The following EPHA6 variants were observed in gnomAD, a reference collection of about 807,000 sequenced individuals.
EPHA6 encodes the protein EPH receptor A6.
A neutral mutation model predicts 112.0 loss-of-function variants in EPHA6; 50 were observed. The ratio of observed to expected loss-of-function variants is 0.45; its 90% confidence interval spans 0.36 to 0.56. The LOEUF (loss-of-function observed/expected upper bound fraction) is 0.56, where lower values mean the gene tolerates loss of function less well. Among genes scored for constraint, EPHA6 ranks in the 20% least tolerant of loss-of-function variants. EPHA6 has a pLI of 0.00. For missense variants in EPHA6, 1,280 were observed against 1,417.4 expected, an observed-to-expected ratio of 0.90 and a Z score of 1.56; for synonymous variants, 529 against 490.7, an observed-to-expected ratio of 1.08 and a Z score of -1.03.
chr3:97,051,638 A>G (rs186008464), intron 3 of EPHA6, among the ~76,000 whole-genome samples: 31 of 152,244 alleles, frequency 2.0e-4, no homozygotes. Flanking sequence ...TTGATGTTAG[A>G]TATGTACCCC....
Position 97,413,087 on chromosome 3 carries a change from G to A in EPHA6, c.1731+7813G>A, listed in dbSNP as rs188856772. 4.3e-3 allele frequency among the ~76,000 whole-genome samples: 659 copies of A among 151,756 alleles called. 4 individuals carry two copies. The highest frequency in any genetic ancestry group is 5.8e-3 in the Non-Finnish European group (396 of 67,912). ...TTCCTCTAAATTTCTGTTGTAGTTT[G>A]GTGAAAATCAAAGAAACAAAACTCA... On this transcript the variant is annotated intron_variant, in intron 6 of 17. Transcript: ENST00000389672.
At chr3:97,473,637 C>T (rs1389624294) in intron 7 of EPHA6, among the ~76,000 whole-genome samples, 2 of 151,810 alleles carry the variant, frequency 1.3e-5, no homozygotes, top group Non-Finnish European at 2.9e-5. Flanking sequence ...TAAATGCCAT[C>T]TGCTTTATCT....
chr3:97,370,062 C>T (rs1481757503), intron 5 of EPHA6, among the ~76,000 whole-genome samples: 2 of 152,076 alleles, frequency 1.3e-5, no homozygotes, highest in Non-Finnish European at 2.9e-5. Flanking sequence ...CAATCTCCAC[C>T]CTCTCTTCAC....
At chr3:97,296,214 C>G (rs1017032670) in intron 5 of EPHA6, among the ~76,000 whole-genome samples, 20 of 152,088 alleles carry the variant, frequency 1.3e-4, no homozygotes, top group African/African-American at 4.8e-4. Flanking sequence ...GCATATTCTA[C>G]TAGATGATGG....
intron 3 of EPHA6, among the ~76,000 whole-genome samples, chr3:97,004,115 G>A (rs1275094263): frequency 6.6e-6 from 1 of 152,124 alleles, no homozygotes; most frequent in African/African-American, 2.4e-5. Context: ...ATGCATGCAT[G>A]TGTCTTTACA....
At chr3:97,548,904 A>G (rs560225274) in intron 11 of EPHA6, among the ~76,000 whole-genome samples, 1 of 152,338 alleles carries the variant, frequency 6.6e-6, no homozygotes, top group Admixed American at 6.5e-5. Context: ...ACGAAGGTGA[A>G]GCCATCGGAT....
At chr3:96,854,588 T>C (rs1219671706) in intron 1 of EPHA6, among the ~76,000 whole-genome samples, 1 of 152,092 alleles carries the variant, frequency 6.6e-6, no homozygotes, top group Admixed American at 6.6e-5. Context: ...TAGAACCTAG[T>C]GGATTGTTTT....
chr3:97,239,012 T>C (rs889073696), intron 4 of EPHA6, among the ~76,000 whole-genome samples: 1 of 151,986 alleles, frequency 6.6e-6, no homozygotes, highest in Non-Finnish European at 1.5e-5. Flanking sequence ...TCCTGATTGA[T>C]GGGACTATGA....
intron 14 of EPHA6, among the ~76,000 whole-genome samples, chr3:97,655,098 G>A (rs946068837): frequency 6.1e-5 from 9 of 147,548 alleles, no homozygotes; most frequent in Non-Finnish European, 1.3e-4. Flanking sequence ...TATATTATAT[G>A]TTATATATTA....
chr3:97,176,920 C>T (rs1417110354), intron 3 of EPHA6, among the ~76,000 whole-genome samples: 1 of 150,644 alleles, frequency 6.6e-6, no homozygotes, highest in Non-Finnish European at 1.5e-5. Context: ...GTTTCTTCTA[C>T]TAGTTTGGGT....
chr3:97,061,834 G>C (rs1253919883), intron 3 of EPHA6, among the ~76,000 whole-genome samples: 2 of 152,220 alleles, frequency 1.3e-5, no homozygotes, highest in East Asian at 3.9e-4. Context: ...ACTATAGTAT[G>C]TCCTGGGTGC....
At chr3:97,526,335 C>G (rs2092619413) in intron 10 of EPHA6, among the ~76,000 whole-genome samples, 2 of 152,208 alleles carry the variant, frequency 1.3e-5, no homozygotes, top group Admixed American at 1.3e-4. Flanking sequence ...CAAAGCGTGT[C>G]AGGGAAACAG....
intron 11 of EPHA6, among the ~76,000 whole-genome samples, chr3:97,571,334 G>C (rs748159424): frequency 2.6e-5 from 4 of 151,638 alleles, no homozygotes; most frequent in Admixed American, 2.0e-4. Flanking sequence ...AAAGACTATA[G>C]GGGTTGACAC....
intron 2 of EPHA6, among the ~76,000 whole-genome samples, chr3:96,964,716 C>T (rs761762203): frequency 6.6e-6 from 1 of 151,986 alleles, no homozygotes; most frequent in Admixed American, 6.6e-5. Flanking sequence ...TGTACTTATC[C>T]GTTTCCAGTT....
chr3:97,293,472 C>G (rs11923596), intron 5 of EPHA6, among the ~76,000 whole-genome samples: 1 of 152,222 alleles, frequency 6.6e-6, no homozygotes, highest in Non-Finnish European at 1.5e-5. Flanking sequence ...GGAGAGGAGA[C>G]TCATGGAGGG....
intron 13 of EPHA6, among the ~76,000 whole-genome samples, chr3:97,632,610 G>T (rs2093913007): frequency 6.6e-6 from 1 of 151,964 alleles, no homozygotes; most frequent in Non-Finnish European, 1.5e-5. Flanking sequence ...TCCTGGAAGA[G>T]ATAATACGAG....
chr3:97,544,444 A>G (rs2092915574), intron 11 of EPHA6, among the ~76,000 whole-genome samples: 1 of 152,200 alleles, frequency 6.6e-6, no homozygotes, highest in African/African-American at 2.4e-5. Flanking sequence ...GATGAAGCCC[A>G]CTTGATCATG....
intron 4 of EPHA6, among the ~76,000 whole-genome samples, chr3:97,235,342 A>G (rs2078648978): frequency 6.6e-6 from 1 of 152,076 alleles, no homozygotes; most frequent in South Asian, 2.1e-4. Flanking sequence ...TTTCTCTCTC[A>G]GACTGCTTAT....
intron 14 of EPHA6, among the ~76,000 whole-genome samples, chr3:97,696,789 C>A (rs2033072104): frequency 6.6e-6 from 1 of 152,056 alleles, no homozygotes; most frequent in African/African-American, 2.4e-5. Flanking sequence ...GTATTATTAT[C>A]CTCATTTTAC....
Sources: gnomAD v4.1 joint callset for allele counts (sites outside exome capture counted in the v4.1 genomes callset) on GRCh38, gnomAD v4.1.1 for gene constraint, MANE v1.5 for transcripts, NCBI Gene and HGNC (gene_info 2026-07-23, HGNC 2026-07-21) for gene names.